ITIH2: variants seen among roughly 807,000 people sequenced by gnomAD.
ITIH2 encodes inter-alpha-trypsin inhibitor heavy chain 2, also known as inter-alpha-trypsin inhibitor heavy chain H2.
In ITIH2, 103 loss-of-function variants were observed where a neutral mutation model predicts 104.4. That is an observed-to-expected ratio of 0.99 (90% CI 0.84 to 1.16). The LOEUF (loss-of-function observed/expected upper bound fraction) is 1.16. Ranked by LOEUF, ITIH2 falls within the 50% of genes most tolerant of loss-of-function variation. The probability of loss-of-function intolerance (pLI) is 0.00; values close to 1 mark genes in which losing one functional copy is unlikely to be tolerated. For missense variants in ITIH2, 1,108 were observed against 1,162.4 expected, an observed-to-expected ratio of 0.95 and a Z score of 0.68; for synonymous variants, 436 against 435.4, an observed-to-expected ratio of 1.00 and a Z score of -0.02.
rs34117267 is a variant in ITIH2 at position 7,703,448 on chromosome 10, C to T, written c.14C>T (p.Thr5Met). Residue 5 changes from threonine to methionine, a missense_variant, in exon 1 of 21, where the codon ACG (threonine) becomes ATG (methionine). Physicochemically the swap from Thr to Met is moderately conservative, Grantham distance 81. Coordinates refer to ENST00000358415, the MANE Select transcript of ITIH2 (RefSeq NM_002216.3). MKRL[T>M]CFFICFFLSE... ...CTGTCCAGCAAAATGAAAAGACTCACGTGCTTTTTCATCTGCTTCTTTCTT... is the reference window on the plus strand; with the variant it reads ...CTGTCCAGCAAAATGAAAAGACTCATGTGCTTTTTCATCTGCTTCTTTCTT... 1,343 of 1,613,486 alleles carry T rather than the reference C, an allele frequency of 8.3e-4. 11 individuals are homozygous for T. The African/African-American group carries it at 0.015, about 18-fold the overall frequency.
chr10:7,740,142 T>C (rs964813448), intron 16 of ITIH2, among the ~76,000 whole-genome samples: 1 of 151,786 alleles, frequency 6.6e-6, no homozygotes, highest in Non-Finnish European at 1.5e-5. Flanking sequence ...GCTGAGATCA[T>C]GCCACTGCAC....
chr10:7,737,747 AATATTCTATATT>A, intron 15 of ITIH2, among the ~76,000 whole-genome samples: 1 of 19,238 alleles, frequency 5.2e-5, no homozygotes, highest in Non-Finnish European at 7.8e-5. Flanking sequence ...TATTCTATAT[AATATTCTATATT>A]ATATTCTATA....
rs112158380 is a variant in ITIH2 at position 7,729,702 on chromosome 10, T to C, written c.1280-250T>C. Among the ~76,000 whole-genome samples, 486 of 152,308 alleles carry C rather than the reference T, an allele frequency of 3.2e-3. 4 individuals are homozygous for C. Among genetic ancestry groups the C allele is most frequent in the African/African-American group, 0.011 (468 of 41,584 alleles). On this transcript the variant is annotated intron_variant, in intron 11 of 20. Coordinates refer to ENST00000358415, the MANE Select transcript of ITIH2 (RefSeq NM_002216.3). Reference sequence around the variant, plus strand: ...ATCATCATCTAACCAAGCGCCCTCATTGGTGCATATTTATGTTGTTTCCAA... The same window carrying C: ...ATCATCATCTAACCAAGCGCCCTCACTGGTGCATATTTATGTTGTTTCCAA...
chr10:7,724,570 C>CAATAAAAAAAA (rs1834934903), intron 9 of ITIH2, among the ~76,000 whole-genome samples: 1 of 51,842 alleles, frequency 1.9e-5, no homozygotes, highest in Non-Finnish European at 3.4e-5. Flanking sequence ...AACTCCATCT[C>CAATAAAAAAAA]AAAAAAAAAA....
chr10:7,744,706 A>C, intron 18 of ITIH2, 85 bp from the exon 19 acceptor site: 10 of 1,114,882 alleles, frequency 9.0e-6, no homozygotes, highest in Non-Finnish European at 1.3e-5. Context: ...GGAGGAGTGA[A>C]GAGTTCATAT....
intron 5 of ITIH2, 163 bp downstream of exon 5, chr10:7,713,448 C>T (rs528621119): frequency 1.7e-4 from 101 of 591,926 alleles, no homozygotes; most frequent in African/African-American, 1.4e-3. Context: ...AGTTTCTATT[C>T]GCCTAAAGGT....
chr10:7,748,247 C>CATATATAT (rs71385668), intron 20 of ITIH2, among the ~76,000 whole-genome samples: 18 of 143,046 alleles, frequency 1.3e-4, no homozygotes, highest in African/African-American at 4.3e-4. Flanking sequence ...TATATGTATA[C>CATATATAT]ATATATATAT....
Position 7,705,171 on chromosome 10 carries a change from C to T in ITIH2, c.148C>T (p.Arg50Trp), listed in dbSNP as rs748622020. 4 of 1,608,020 alleles carry T rather than the reference C, an allele frequency of 2.5e-6. No individual in the cohort carries two copies. Among genetic ancestry groups the T allele is most frequent in the Admixed American group, 3.3e-5 (2 of 59,886 alleles). Residue 50 changes from arginine to tryptophan, a missense_variant, in exon 2 of 21, where the codon CGG (arginine) becomes TGG (tryptophan). By Grantham distance (101) the Arg-to-Trp change is moderately radical. Coordinates refer to ENST00000358415, the MANE Select transcript of ITIH2 (RefSeq NM_002216.3). ...PGKFQLVAEN[R>W]RYQRSLPGES... is the part of the protein sequence containing the mutation. Reference sequence around the variant, plus strand: ...CAAATTTCAATTGGTGGCAGAGAACCGGAGATATCAGGTATAGTAAGGTTT... The same window carrying T: ...CAAATTTCAATTGGTGGCAGAGAACTGGAGATATCAGGTATAGTAAGGTTT...
chr10:7,749,437 G>A lies in ITIH2; in HGVS notation c.*103G>A. The A allele has an allele frequency of 7.9e-6, 8 of 1,011,696 alleles. No homozygotes were observed. The highest frequency in any genetic ancestry group is 1.0e-5 in the Non-Finnish European group (7 of 695,844). 62.7% of individuals were successfully genotyped at this position (1,011,696 alleles called of 1,614,324 possible). A position where few individuals can be genotyped will look rare whatever the true frequency, so the allele number is the denominator to read the frequency against. ...ATAATTAAAATGAACCAGATATCAG[G>A]GTGGTTAATTAAAATGAACCAGATA... On this transcript the variant is annotated 3_prime_UTR_variant, in exon 21 of 21. Coordinates refer to ENST00000358415, the MANE Select transcript of ITIH2 (RefSeq NM_002216.3).
chr10:7,733,038 A>AT (rs1278620092), intron 14 of ITIH2, among the ~76,000 whole-genome samples: 1 of 150,650 alleles, frequency 6.6e-6, no homozygotes, highest in Admixed American at 6.6e-5. Context: ...AAATGCATTA[A>AT]TTTTAAGTGC....
At chr10:7,744,354 C>T (rs1049690258) in intron 18 of ITIH2, 74 bp downstream of exon 18, 1 of 1,206,854 alleles carries the variant, frequency 8.3e-7, no homozygotes, top group Non-Finnish European at 1.2e-6. Context: ...GCATCAGTGA[C>T]ATCAACATTG....
At chr10:7,728,405 A>G (rs897199150) in intron 11 of ITIH2, among the ~76,000 whole-genome samples, 1 of 152,140 alleles carries the variant, frequency 6.6e-6, no homozygotes, top group African/African-American at 2.4e-5. Context: ...TTTTGAAGAC[A>G]GGGTCTTGCT....
At chr10:7,732,660 C>A (rs1835014923) in intron 14 of ITIH2, among the ~76,000 whole-genome samples, 183 bp downstream of exon 14, 1 of 151,902 alleles carries the variant, frequency 6.6e-6, no homozygotes. Context: ...TCTTTTTCTT[C>A]TTTATTGAGG....
chr10:7,743,127 T>G lies in ITIH2; in HGVS notation c.2096-19T>G, dbSNP rs764132003. On this transcript the variant is annotated intron_variant, in intron 16 of 20. Coordinates refer to ENST00000358415, the MANE Select transcript of ITIH2 (RefSeq NM_002216.3). The stretch of plus-strand genomic sequence containing the variant: ...TCCTTTTAATGATTTTGTTTACGTT[T>G]TCTTTGTATATTTTCCAGTTGAAAA... The G allele has an allele frequency of 1.8e-6, 2 of 1,137,920 alleles. No homozygotes were observed. Among genetic ancestry groups the G allele is most frequent in the South Asian group, 2.8e-5 (2 of 71,314 alleles). 70.5% of individuals were successfully genotyped at this position (1,137,920 alleles called of 1,614,324 possible).
intron 9 of ITIH2, among the ~76,000 whole-genome samples, chr10:7,724,463 G>A (rs533623763): frequency 1.5e-4 from 22 of 150,444 alleles, no homozygotes; most frequent in East Asian, 7.9e-4. Context: ...CCAGCTACTC[G>A]GGAGGCTGAG....
intron 16 of ITIH2, among the ~76,000 whole-genome samples, chr10:7,742,247 G>C (rs1425459010): frequency 1.3e-5 from 2 of 152,068 alleles, no homozygotes; most frequent in Non-Finnish European, 2.9e-5. Context: ...AGCGGGAGAG[G>C]GAGAGTGGGG....
At position 7,710,002 on chromosome 10, in the gene ITIH2, C is replaced by G. The variant is rs565448060; in HGVS notation, c.362+811C>G. ...CTGAGTAGCTGGGACTACAGGCACC[C>G]GCCACCATGCCTGGCTAATTTTCGT... On this transcript the variant is annotated intron_variant, in intron 4 of 20. Coordinates refer to ENST00000358415, the MANE Select transcript of ITIH2 (RefSeq NM_002216.3). Among the ~76,000 whole-genome samples the G allele has an allele frequency of 3.9e-5, 6 of 152,212 alleles. No individual in the cohort carries two copies. The South Asian group carries it at 1.2e-3, about 32-fold the overall frequency.
intron 5 of ITIH2, among the ~76,000 whole-genome samples, chr10:7,717,128 A>G (rs2130943982): frequency 6.6e-6 from 1 of 151,908 alleles, no homozygotes; most frequent in South Asian, 2.1e-4. Flanking sequence ...TAATTTTTGT[A>G]TTTTTAGTAG....
intron 4 of ITIH2, among the ~76,000 whole-genome samples, chr10:7,709,568 A>T (rs1288886130): frequency 3.3e-5 from 5 of 152,118 alleles, no homozygotes; most frequent in Non-Finnish European, 7.4e-5. Flanking sequence ...TATGGGAAAA[A>T]AAAAACAAGT....
Sources: gnomAD v4.1 joint callset for allele counts (sites outside exome capture counted in the v4.1 genomes callset) on GRCh38, gnomAD v4.1.1 for gene constraint, MANE v1.5 for transcripts, NCBI Gene and HGNC (gene_info 2026-07-23, HGNC 2026-07-21) for gene names.